Variants in CNN2 observed in about 807,000 individuals in gnomAD.
The protein encoded by CNN2 is calponin-2.
A neutral mutation model predicts 31.0 loss-of-function variants in CNN2; 21 were observed. The observed-to-expected ratio is 0.68, with a 90% CI of 0.48 to 0.98. The LOEUF is 0.98. Among genes scored for constraint, CNN2 ranks in the 50% least tolerant of loss-of-function variants. The probability of loss-of-function intolerance (pLI) is 0.00; values close to 1 mark genes in which losing one functional copy is unlikely to be tolerated. For synonymous variants in CNN2, 165 were observed against 179.6 expected, an observed-to-expected ratio of 0.92 and a Z score of 0.65; for missense variants, 399 against 427.3, an observed-to-expected ratio of 0.93 and a Z score of 0.58.
chr19:1,036,329 G>A, intron 5 of CNN2, 83 bp downstream of exon 5: 1 of 1,576,290 alleles, frequency 6.3e-7, no homozygotes, highest in Non-Finnish European at 8.6e-7. Context: ...GGGGACAGCG[G>A]CATGGAGCCC....
chr19:1,031,032 C>G (rs1419232027), intron 1 of CNN2, 39 bp from the exon 2 acceptor site: 37 of 1,588,760 alleles, frequency 2.3e-5, no homozygotes, highest in Non-Finnish European at 3.0e-5. Context: ...CTGGGGGTGC[C>G]CCCAGCCCAG....
At chr19:1,026,813 C>A in intron 1 of CNN2, 89 bp downstream of exon 1, 1 of 1,306,300 alleles carries the variant, frequency 7.7e-7, no homozygotes, top group Non-Finnish European at 1.0e-6. Context: ...CCCGGCACCT[C>A]CCGGGCAGGG....
chr19:1,030,042 C>T (rs1032288531), intron 1 of CNN2, among the ~76,000 whole-genome samples: 2 of 152,282 alleles, frequency 1.3e-5, no homozygotes, highest in Admixed American at 6.5e-5. Context: ...CTCCCGCTCC[C>T]GCTACACGAC....
chr19:1,032,280 C>T (rs1286978719), intron 2 of CNN2, 112 bp from the exon 3 acceptor site: 67 of 1,284,178 alleles, frequency 5.2e-5, no homozygotes, highest in East Asian at 1.2e-4. Context: ...AGAGAGAGGC[C>T]GTGAGTTTGC....
At position 1,031,187 on chromosome 19, in the gene CNN2, A is replaced by G. The variant is rs749287502; in HGVS notation, c.180A>G (p.Leu60=). 1 of 1,610,050 alleles carries G rather than the reference A, an allele frequency of 6.2e-7. No individual in the cohort carries two copies. Among genetic ancestry groups the G allele is most frequent in the African/African-American group, 1.3e-5 (1 of 74,892 alleles). ...AGGGCCTGAAGGATGGAACTATCTT[A>G]TGCACGTGAGTACACGCAGGGACAC... ...FQKGLKDGTI[L]CTLMNKLQPG... is the part of the protein sequence containing the mutation. The change falls in exon 2 of 7, where the codon TTA becomes TTG. Residue 60 remains leucine, a synonymous_variant. Coordinates refer to ENST00000263097, the MANE Select transcript of CNN2 (RefSeq NM_004368.4).
intron 4 of CNN2, among the ~76,000 whole-genome samples, chr19:1,033,572 G>C (rs964811976): frequency 1.3e-5 from 2 of 152,270 alleles, no homozygotes; most frequent in African/African-American, 4.8e-5. Flanking sequence ...AGAATCAGAC[G>C]AATGTTGAGT....
rs1285873395 is a variant in CNN2 at position 1,026,685 on chromosome 19, G to C, written c.24G>C (p.Lys8Asn). The change falls in exon 1 of 7, where the codon AAG becomes AAC. Residue 8 changes from lysine (K) to asparagine (N), a missense_variant. Lys to Asn is a moderately conservative substitution (Grantham distance 94, BLOSUM62 0). Transcript: ENST00000263097. MSSTQFNKGPSYGLSAEV... is the reference protein window; with the variant it reads MSSTQFNNGPSYGLSAEV... ...CCATGAGCTCCACGCAGTTCAACAA[G>C]GGCCCCTCGTACGGGCTGTCGGCCG... The C allele has an allele frequency of 1.8e-5, 28 of 1,549,246 alleles. No homozygotes were observed. The highest frequency in any genetic ancestry group is 2.4e-5 in the Non-Finnish European group (28 of 1,147,030).
At chr19:1,030,034 C>T (rs1412387742) in intron 1 of CNN2, among the ~76,000 whole-genome samples, 1 of 152,138 alleles carries the variant, frequency 6.6e-6, no homozygotes, top group Non-Finnish European at 1.5e-5. Flanking sequence ...GCGTTTATCT[C>T]CCGCTCCCGC....
intron 2 of CNN2, among the ~76,000 whole-genome samples, chr19:1,031,448 C>T (rs993275375): frequency 6.7e-6 from 1 of 149,850 alleles, no homozygotes; most frequent in African/African-American, 2.5e-5. Flanking sequence ...ACCTGTAATC[C>T]CAGCTACTCA....
chr19:1,032,173 G>A (rs2039508163), intron 2 of CNN2, among the ~76,000 whole-genome samples: 1 of 151,318 alleles, frequency 6.6e-6, no homozygotes. Context: ...AGGTGGAGGT[G>A]GCAGTGAGTC....
chr19:1,032,389 C>T lies in CNN2; in HGVS notation c.186-3C>T, dbSNP rs373345358. ...TTCCCCCGCCCCATGTTGTGCCCTC[C>T]AGACTCATGAACAAGCTACAGCCGG... On this transcript the variant is annotated splice_region_variant and splice_polypyrimidine_tract_variant and intron_variant, in intron 2 of 6. Transcript: ENST00000263097. The T allele has an allele frequency of 9.3e-6, 15 of 1,613,446 alleles. No homozygotes were observed. Among genetic ancestry groups the T allele is most frequent in the Non-Finnish European group, 1.2e-5 (14 of 1,180,024 alleles).
At chr19:1,033,363 CAA>C (rs959085486) in intron 4 of CNN2, among the ~76,000 whole-genome samples, 60 of 151,980 alleles carry the variant, frequency 3.9e-4, no homozygotes, top group Non-Finnish European at 7.5e-4. Flanking sequence ...ACTAAGAAAA[CAA>C]AAATTACCTG....
intron 2 of CNN2, 86 bp from the exon 3 acceptor site, chr19:1,032,286 TTTGCCCAGGAAGGCGTGAGC>T: frequency 7.3e-7 from 1 of 1,377,662 alleles, no homozygotes; most frequent in Non-Finnish European, 1.0e-6. Flanking sequence ...AGGCCGTGAG[TTTGCCCAGGAAGGCGTGAGC>T]TTGGCTGAGA....
At chr19:1,026,851 C>T in intron 1 of CNN2, 127 bp downstream of exon 1, 1 of 873,360 alleles carries the variant, frequency 1.1e-6, no homozygotes, top group Non-Finnish European at 1.7e-6. Flanking sequence ...CGGACGGGCC[C>T]TTGTTCTCCC....
intron 4 of CNN2, among the ~76,000 whole-genome samples, chr19:1,035,498 C>T (rs2039566808): frequency 6.6e-6 from 1 of 152,114 alleles, no homozygotes; most frequent in African/African-American, 2.4e-5. Context: ...GCCATGGTGC[C>T]CGGGGATTGG....
At position 1,038,032 on chromosome 19, in the gene CNN2, C is replaced by A; in HGVS notation, c.*132C>A. ...TCAACCAAGGGTCTGTGAGTGTCAG[C>A]GTGGGATCAGGCAGCAGAGCTTTTT... On this transcript the variant is annotated 3_prime_UTR_variant, in exon 7 of 7. Coordinates refer to ENST00000263097, the MANE Select transcript of CNN2 (RefSeq NM_004368.4). 1 of 935,706 alleles carries A rather than the reference C, an allele frequency of 1.1e-6. No homozygotes were observed. The highest frequency in any genetic ancestry group is 1.6e-6 in the Non-Finnish European group (1 of 639,086). The allele number at this position is 935,706 out of a possible 1,614,324, so 58.0% of individuals were successfully genotyped here. A position where few individuals can be genotyped will look rare whatever the true frequency, so the allele number is the denominator to read the frequency against.
chr19:1,031,688 C>G (rs1340356182), intron 2 of CNN2, among the ~76,000 whole-genome samples: 3 of 148,774 alleles, frequency 2.0e-5, no homozygotes, highest in Non-Finnish European at 4.5e-5. Context: ...GATCTCGGCT[C>G]ACTGCAACCT....
intron 3 of CNN2, 35 bp downstream of exon 3, chr19:1,032,493 TG>T (rs2039514887): frequency 6.2e-7 from 1 of 1,613,478 alleles, no homozygotes; most frequent in African/African-American, 1.3e-5. Context: ...GGGATGGTGC[TG>T]GGGGCCCATC....
chr19:1,038,664 T>G lies in CNN2; in HGVS notation c.*764T>G, dbSNP rs2039667353. The G allele has an allele frequency of 1.3e-5, 2 of 152,208 alleles. No individual in the cohort carries two copies. The highest frequency in any genetic ancestry group is 2.9e-5 in the Non-Finnish European group (2 of 68,078). The allele number at this position is 152,208 out of a possible 1,614,324, so 9.4% of individuals were successfully genotyped here. On this transcript the variant is annotated 3_prime_UTR_variant, in exon 7 of 7. Transcript: ENST00000263097. ...ATCTTGGCTCACTGCACCTCCACCTTCCGGGCTCAAGCGATTCTCCAGCCT... is the reference window on the plus strand; with the variant it reads ...ATCTTGGCTCACTGCACCTCCACCTGCCGGGCTCAAGCGATTCTCCAGCCT...
Sources: gnomAD v4.1 joint callset for allele counts (sites outside exome capture counted in the v4.1 genomes callset) on GRCh38, gnomAD v4.1.1 for gene constraint, MANE v1.5 for transcripts, NCBI Gene and HGNC (gene_info 2026-07-23, HGNC 2026-07-21) for gene names.